The following DENND1A variants were observed in gnomAD, a reference collection of about 807,000 sequenced individuals.
The protein encoded by DENND1A is DENN domain-containing protein 1A.
A neutral mutation model predicts 113.7 loss-of-function variants in DENND1A; 51 were observed. The observed-to-expected ratio is 0.45, with a 90% CI of 0.36 to 0.57. The LOEUF is 0.57. DENND1A is among the 20% of genes least tolerant of loss of function. The probability of loss-of-function intolerance (pLI) is 0.00; values close to 1 mark genes in which losing one functional copy is unlikely to be tolerated. For missense variants in DENND1A, 1,258 were observed against 1,395.9 expected (o/e 0.90, Z 1.57); for synonymous variants, 565 against 570.8 (o/e 0.99, Z 0.14).
intron 6 of DENND1A, among the ~76,000 whole-genome samples, chr9:123,672,996 C>G (rs7025734): frequency 0.055 from 8,309 of 152,238 alleles, 806 homozygotes; most frequent in African/African-American, 0.19. Flanking sequence ...AGTTATAACC[C>G]TCTACTCATC....
intron 12 of DENND1A, among the ~76,000 whole-genome samples, chr9:123,557,912 A>G (rs2057516347): frequency 2.0e-5 from 3 of 152,108 alleles, no homozygotes; most frequent in Admixed American, 2.0e-4. Flanking sequence ...GAATCACTGG[A>G]ACCCGGGAGG....
intron 13 of DENND1A, among the ~76,000 whole-genome samples, chr9:123,490,715 T>C (rs2051297389): frequency 1.3e-5 from 2 of 152,256 alleles, no homozygotes; most frequent in South Asian, 2.1e-4. Flanking sequence ...TAATGTATTT[T>C]ATTTTATACA....
Position 123,769,542 on chromosome 9 carries a change from T to C in DENND1A, c.154A>G (p.Lys52Glu). The change falls in exon 4 of 24, where the codon AAG (lysine) becomes GAG (glutamate). Residue 52 changes from lysine to glutamate, a missense_variant. By Grantham distance (56) the Lys-to-Glu change is moderately conservative. Transcript: ENST00000394215. ...TCCACATAGAAGGGGAAACAAAACT[T>C]GGTCAAAGTCTGTAGAACTTCCTGT... The part of the protein sequence containing the change: ...SDQEVLQTLT[K>E]FCFPFYVDSL... 1.2e-6 allele frequency: 2 copies of C among 1,610,032 alleles called. No individual in the cohort carries two copies. Among genetic ancestry groups the C allele is most frequent in the Non-Finnish European group, 1.7e-6 (2 of 1,178,728 alleles).
In DENND1A at chr9:123,383,866, T is replaced by C; in HGVS notation, c.1808A>G (p.Asp603Gly). 6.2e-7 allele frequency: 1 copy of C among 1,613,380 alleles called. No individual in the cohort carries two copies. Among genetic ancestry groups the C allele is most frequent in the Admixed American group, 1.7e-5 (1 of 60,036 alleles). ...TLRESDSAEG[D>G]EAESPEQQVR... The stretch of plus-strand genomic sequence containing the variant: ...TTGCTGCTCTGGACTCTCTGCCTCG[T>C]CGCCTTCCGCGCTGTCTGACTCCCT... The change falls in exon 23 of 24, where the codon GAC becomes GGC. Residue 603 changes from aspartate (D) to glycine (G), a missense_variant. By Grantham distance (94) the Asp-to-Gly change is moderately conservative. Transcript: ENST00000394215.
At chr9:123,637,967 A>G (rs966970179) in intron 9 of DENND1A, among the ~76,000 whole-genome samples, 1 of 151,552 alleles carries the variant, frequency 6.6e-6, no homozygotes, top group Non-Finnish European at 1.5e-5. Flanking sequence ...ACACACACAC[A>G]CACACACCAA....
intron 10 of DENND1A, among the ~76,000 whole-genome samples, chr9:123,623,920 G>C (rs545815562): frequency 9.9e-5 from 15 of 152,250 alleles, no homozygotes; most frequent in East Asian, 3.9e-4. Flanking sequence ...TCATCTTCAG[G>C]CGCCATGTAA....
intron 13 of DENND1A, among the ~76,000 whole-genome samples, chr9:123,547,460 C>T (rs1292681494): frequency 6.6e-6 from 1 of 152,092 alleles, no homozygotes; most frequent in Non-Finnish European, 1.5e-5. Context: ...ACTTGGGAGG[C>T]GGAGGTTGTG....
intron 13 of DENND1A, among the ~76,000 whole-genome samples, chr9:123,472,639 C>CT (rs909771221): frequency 2.6e-5 from 4 of 152,176 alleles, no homozygotes; most frequent in Non-Finnish European, 5.9e-5. Context: ...CTCAGGGCCC[C>CT]TTGTCCCCCT....
At chr9:123,515,293 A>G (rs1204985749) in intron 13 of DENND1A, among the ~76,000 whole-genome samples, 1 of 152,234 alleles carries the variant, frequency 6.6e-6, no homozygotes, top group Non-Finnish European at 1.5e-5. Flanking sequence ...ATTAAAAGTG[A>G]TATTTCCATT....
At chr9:123,495,163 CTCTCTCTT>C (rs2051788314) in intron 13 of DENND1A, among the ~76,000 whole-genome samples, 2 of 120,414 alleles carry the variant, frequency 1.7e-5, no homozygotes, top group South Asian at 2.9e-4. Flanking sequence ...CTCTCTCTCT[CTCTCTCTT>C]ATAATGTCTG....
Position 123,447,690 on chromosome 9 carries a change from T to C in DENND1A, c.1356+3003A>G, listed in dbSNP as rs529177643. On this transcript the variant is annotated intron_variant, in intron 18 of 23. Transcript: ENST00000394215. ...TTTGTTGGAAACTGCCTCGATTTCA[T>C]GGCAGAAACCAAACTTGAGATGTCT... 2.4e-3 allele frequency among the ~76,000 whole-genome samples: 363 copies of C among 151,494 alleles called. 1 individual carries two copies. The highest frequency in any genetic ancestry group is 4.1e-3 in the Non-Finnish European group (281 of 67,952).
chr9:123,695,304 TA>T (rs2065442183), intron 5 of DENND1A, among the ~76,000 whole-genome samples: 1 of 152,140 alleles, frequency 6.6e-6, no homozygotes, highest in African/African-American at 2.4e-5. Context: ...ACATTACTGT[TA>T]AAAGTCCATA....
chr9:123,663,122 A>C (rs1017610508), intron 8 of DENND1A, among the ~76,000 whole-genome samples: 1 of 152,242 alleles, frequency 6.6e-6, no homozygotes, highest in East Asian at 1.9e-4. Flanking sequence ...CATTACTTTC[A>C]TAAGAGTAAA....
intron 5 of DENND1A, among the ~76,000 whole-genome samples, chr9:123,703,525 A>C (rs2066000620): frequency 6.6e-6 from 1 of 152,162 alleles, no homozygotes; most frequent in Admixed American, 6.5e-5. Context: ...AAGAATCAAA[A>C]CACACTACTA....
At chr9:123,904,781 C>T (rs1372353705) in intron 1 of DENND1A, among the ~76,000 whole-genome samples, 1 of 151,922 alleles carries the variant, frequency 6.6e-6, no homozygotes, top group Non-Finnish European at 1.5e-5. Context: ...TTGGAAAACA[C>T]TGCAGGATAT....
chr9:123,569,912 C>T (rs148690207), intron 12 of DENND1A, among the ~76,000 whole-genome samples: 35 of 152,304 alleles, frequency 2.3e-4, no homozygotes, highest in African/African-American at 6.0e-4. Context: ...GCTTAATCAC[C>T]TTAGTAGATG....
At chr9:123,723,441 G>A (rs1312428869) in intron 5 of DENND1A, among the ~76,000 whole-genome samples, 1 of 152,162 alleles carries the variant, frequency 6.6e-6, no homozygotes, top group Non-Finnish European at 1.5e-5. Flanking sequence ...TGAGATTTGG[G>A]AGGGGCTGGG....
chr9:123,791,446 A>T (rs1208623473), intron 3 of DENND1A, among the ~76,000 whole-genome samples: 1 of 152,156 alleles, frequency 6.6e-6, no homozygotes, highest in Admixed American at 6.5e-5. Flanking sequence ...AATATTTTTT[A>T]AAATCTTATT....
intron 13 of DENND1A, among the ~76,000 whole-genome samples, chr9:123,544,427 A>C (rs1266991307): frequency 1.3e-5 from 2 of 152,234 alleles, no homozygotes; most frequent in Non-Finnish European, 2.9e-5. Context: ...TATAGATTAG[A>C]GAAATTGACT....
Sources: gnomAD v4.1 joint callset for allele counts (sites outside exome capture counted in the v4.1 genomes callset) on GRCh38, gnomAD v4.1.1 for gene constraint, MANE v1.5 for transcripts, NCBI Gene and HGNC (gene_info 2026-07-23, HGNC 2026-07-21) for gene names.